Variants in USP26 observed in about 807,000 individuals in gnomAD.
USP26 encodes ubiquitin carboxyl-terminal hydrolase 26.
For synonymous variants in USP26, 236 were observed against 240.6 expected (o/e 0.98, Z 0.18); for missense variants, 649 against 642.3 (o/e 1.01, Z -0.11).
rs1163209844 is a variant in USP26 at position 133,023,526 on chromosome X, AAACT to A, written c.*1949_*1952del. ...GCCAAAAAACTGAAATTTAGAAACCAAACTGTCACTCTCCTCTAAATGCAACTCC... is the reference window on the plus strand; with the variant it reads ...GCCAAAAAACTGAAATTTAGAAACCAGTCACTCTCCTCTAAATGCAACTCC... On this transcript the variant is annotated 3_prime_UTR_variant, in exon 6 of 6. Coordinates refer to ENST00000511190, the MANE Select transcript of USP26 (RefSeq NM_031907.3). 8.9e-6 allele frequency among the ~76,000 whole-genome samples: 1 copy of A among 111,894 alleles called. No homozygotes were observed. The highest frequency in any genetic ancestry group is 1.9e-5 in the Non-Finnish European group (1 of 53,199).
chrX:133,088,362 G>A (rs2067596558), intron 4 of USP26, among the ~76,000 whole-genome samples: 1 of 111,341 alleles, frequency 9.0e-6, no homozygotes, highest in Non-Finnish European at 1.9e-5. Context: ...TTCTCATAAG[G>A]AGTGTGCAAC....
chrX:133,065,400 C>G (rs1318839028), intron 5 of USP26, among the ~76,000 whole-genome samples: 2 of 111,710 alleles, frequency 1.8e-5, no homozygotes, highest in Admixed American at 9.5e-5. Context: ...CAACCTGATA[C>G]CAAAACCTGG....
At chrX:133,095,627 G>T (rs760794586) in intron 1 of USP26, among the ~76,000 whole-genome samples, 13 of 111,796 alleles carry the variant, frequency 1.2e-4, no homozygotes, top group Non-Finnish European at 2.1e-4. Flanking sequence ...AAGAGACAGG[G>T]TCTCGCTCTG....
intron 5 of USP26, among the ~76,000 whole-genome samples, chrX:133,061,637 C>G (rs1187563761): frequency 8.9e-6 from 1 of 112,114 alleles, no homozygotes; most frequent in Non-Finnish European, 1.9e-5. Context: ...GCAGTGGGTG[C>G]AGCCTACAGA....
chrX:133,044,397 C>A (rs994090181), intron 5 of USP26, among the ~76,000 whole-genome samples: 10 of 113,064 alleles, frequency 8.8e-5, no homozygotes, highest in Admixed American at 7.4e-4. Context: ...GGGCGGGAAC[C>A]GGGGCTGCAC....
At chrX:133,056,947 G>A (rs757788615) in intron 5 of USP26, among the ~76,000 whole-genome samples, 3 of 111,872 alleles carry the variant, frequency 2.7e-5, no homozygotes, top group South Asian at 3.8e-4. Flanking sequence ...TGCAGCCATA[G>A]CATGCTAGAC....
chrX:133,028,352 A>G (rs1162980926), intron 5 of USP26, 56 bp from the exon 6 acceptor site: 2 of 777,377 alleles, frequency 2.6e-6, no homozygotes, highest in Non-Finnish European at 3.8e-6. Context: ...GAATGATCCT[A>G]TTTCTAGTAT....
chrX:133,028,343 A>G (rs551422663), intron 5 of USP26, 47 bp from the exon 6 acceptor site: 1 of 821,593 alleles, frequency 1.2e-6, no homozygotes, highest in South Asian at 2.4e-5. Flanking sequence ...CTCTACACAG[A>G]ATGATCCTAT....
rs1231403921 is a variant in USP26 at position 133,028,267 on chromosome X, T to C, written c.-47A>G. 1.7e-6 allele frequency: 2 copies of C among 1,196,296 alleles called. No homozygotes were observed. The highest frequency in any genetic ancestry group is 2.3e-6 in the Non-Finnish European group (2 of 882,748). ...TACGTATCTCCGATTATTGATAATC[T>C]TGAAGTTCCAATCTGTTTTGCAAGT... On this transcript the variant is annotated 5_prime_UTR_variant, in exon 6 of 6. Coordinates refer to ENST00000511190, the MANE Select transcript of USP26 (RefSeq NM_031907.3).
At chrX:133,091,778 A>C (rs1213081090) in intron 1 of USP26, among the ~76,000 whole-genome samples, 2 of 111,606 alleles carry the variant, frequency 1.8e-5, no homozygotes, top group Non-Finnish European at 3.8e-5. Context: ...TGCCCTTCAT[A>C]AGACACTAGT....
intron 1 of USP26, among the ~76,000 whole-genome samples, chrX:133,096,357 T>C: frequency 9.0e-6 from 1 of 111,386 alleles, no homozygotes; most frequent in Non-Finnish European, 1.9e-5. Flanking sequence ...GGAGGCTATC[T>C]GAAGTTGTCA....
rs142811517 is a variant in USP26 at position 133,060,949 on chromosome X, G to C, written c.-77+22758C>G. Among the ~76,000 whole-genome samples the C allele has an allele frequency of 2.7e-3, 303 of 111,783 alleles. 1 individual carries two copies. Among genetic ancestry groups the C allele is most frequent in the African/African-American group, 9.6e-3 (295 of 30,823 alleles). On this transcript the variant is annotated intron_variant, in intron 5 of 5. Transcript: ENST00000511190. ...CACTGTATTATATTAGGTATTCTAAGTAATCTAGAGATTATTTAAAGTACA... is the reference window on the plus strand; with the variant it reads ...CACTGTATTATATTAGGTATTCTAACTAATCTAGAGATTATTTAAAGTACA...
At chrX:133,052,280 A>T (rs2067461710) in intron 5 of USP26, among the ~76,000 whole-genome samples, 1 of 112,016 alleles carries the variant, frequency 8.9e-6, no homozygotes, top group Admixed American at 9.5e-5. Context: ...TACAGTAGAC[A>T]ATCAGTTACA....
chrX:133,057,097 T>C (rs2067477985), intron 5 of USP26, among the ~76,000 whole-genome samples: 1 of 111,707 alleles, frequency 9.0e-6, no homozygotes, highest in African/African-American at 3.3e-5. Context: ...TTTTTTATTT[T>C]ACTTTAAGTT....
intron 5 of USP26, among the ~76,000 whole-genome samples, chrX:133,050,645 A>G (rs1246440418): frequency 1.8e-5 from 2 of 111,999 alleles, no homozygotes; most frequent in Admixed American, 9.5e-5. Flanking sequence ...GAGGACAGAA[A>G]TGTTTAAGAA....
chrX:133,052,571 T>G (rs1162927021), intron 5 of USP26, among the ~76,000 whole-genome samples: 1 of 112,480 alleles, frequency 8.9e-6, no homozygotes, highest in Non-Finnish European at 1.9e-5. Context: ...ATCAACTTGA[T>G]TGTCTTTTGG....
At position 133,025,338 on chromosome X, in the gene USP26, A is replaced by G; in HGVS notation, c.*141T>C. On this transcript the variant is annotated 3_prime_UTR_variant, in exon 6 of 6. Coordinates refer to ENST00000511190, the MANE Select transcript of USP26 (RefSeq NM_031907.3). The stretch of plus-strand genomic sequence containing the variant: ...TCAGGATTAGAATGCAGATCTCCCC[A>G]TTAAGTGTTTCTGTTTGACCTTTGG... 2.1e-6 allele frequency: 2 copies of G among 966,337 alleles called. No individual in the cohort carries two copies. The highest frequency in any genetic ancestry group is 3.4e-5 in the East Asian group (1 of 29,736). The allele number at this position is 966,337 out of a possible 1,213,427, so 79.6% of individuals were successfully genotyped here.
In USP26 at chrX:133,025,683, G is replaced by A. The variant is rs1343862996; in HGVS notation, c.2538C>T (p.Ala846=). ...ACCAGATCTGTTTCTCAAAGTCATA[G>A]GCATCACAGATATAATGGCCTGACT... ...TLKSGHYICD[A]YDFEKQIWFT... Residue 846 remains alanine (A), a synonymous_variant, in exon 6 of 6, where the codon GCC becomes GCT. Coordinates refer to ENST00000511190, the MANE Select transcript of USP26 (RefSeq NM_031907.3). 1.4e-5 allele frequency: 17 copies of A among 1,209,846 alleles called. No individual in the cohort carries two copies.
intron 5 of USP26, among the ~76,000 whole-genome samples, chrX:133,047,599 G>A (rs1010257900): frequency 6.3e-5 from 7 of 111,875 alleles, no homozygotes; most frequent in African/African-American, 2.3e-4. Context: ...TGGACTGAAC[G>A]TTTATCCCCA....
Sources: gnomAD v4.1 joint callset for allele counts (sites outside exome capture counted in the v4.1 genomes callset) on GRCh38, gnomAD v4.1.1 for gene constraint, MANE v1.5 for transcripts, NCBI Gene and HGNC (gene_info 2026-07-23, HGNC 2026-07-21) for gene names.